The following ADAMTS2 variants were observed in gnomAD, a reference collection of about 807,000 sequenced individuals.
ADAMTS2 encodes the protein A disintegrin and metalloproteinase with thrombospondin motifs 2.
ADAMTS2 carries 50 observed loss-of-function variants against 123.0 expected under a neutral mutation model. The observed-to-expected ratio is 0.41, with a 90% CI of 0.32 to 0.51. The LOEUF (loss-of-function observed/expected upper bound fraction) is 0.51. Ranked by LOEUF, ADAMTS2 falls within the 20% of genes least tolerant of loss-of-function variation. The pLI is 0.35. For missense variants in ADAMTS2, 1,494 were observed against 1,705.2 expected, an observed-to-expected ratio of 0.88 and a Z score of 2.18; for synonymous variants, 678 against 695.4, an observed-to-expected ratio of 0.98 and a Z score of 0.39.
Position 179,262,339 on chromosome 5 carries a change from A to C in ADAMTS2, c.688+10572T>G, listed in dbSNP as rs906894933. On this transcript the variant is annotated intron_variant, in intron 3 of 21. Coordinates refer to ENST00000251582, the MANE Select transcript of ADAMTS2 (RefSeq NM_014244.5). The surrounding 1 kb of genome is among the most constrained non-coding windows in gnomAD (Gnocchi z 5.9). ...CACCACGTCCCGGAAGCTCCACCTC[A>C]AACTCATCCTGAACCCACTGCCTCC... is the stretch of plus-strand genomic sequence containing the variant. Among the ~76,000 whole-genome samples, 2 of 151,560 alleles carry C rather than the reference A, an allele frequency of 1.3e-5. No homozygotes were observed. The highest frequency in any genetic ancestry group is 2.9e-5 in the Non-Finnish European group (2 of 67,886).
At position 179,250,044 on chromosome 5, in the gene ADAMTS2, A is replaced by C. The variant is rs1272267621; in HGVS notation, c.688+22867T>G. Among the ~76,000 whole-genome samples the C allele has an allele frequency of 2.6e-5, 4 of 152,340 alleles. No individual in the cohort carries two copies. The East Asian group carries it at 7.7e-4, about 29-fold the overall frequency. On this transcript the variant is annotated intron_variant, in intron 3 of 21. Transcript: ENST00000251582. ...TGCAAGAGTGGTTCAACACACAAAA[A>C]TCAATCCATATAATATACTACATTC...
At chr5:179,226,230 TC>T (rs1765280443) in intron 3 of ADAMTS2, among the ~76,000 whole-genome samples, 1 of 144,900 alleles carries the variant, frequency 6.9e-6, no homozygotes, top group East Asian at 2.0e-4. Flanking sequence ...CTTCTTTCCT[TC>T]CTTCCTTCCT....
intron 2 of ADAMTS2, among the ~76,000 whole-genome samples, chr5:179,298,602 G>T (rs7702938): frequency 6.6e-6 from 1 of 152,074 alleles, no homozygotes; most frequent in Non-Finnish European, 1.5e-5. Context: ...CACCTGCAGA[G>T]CCTGGGATGC....
chr5:179,225,556 C>T lies in ADAMTS2; in HGVS notation c.689-17841G>A, dbSNP rs1295825127. On this transcript the variant is annotated intron_variant, in intron 3 of 21. Coordinates refer to ENST00000251582, the MANE Select transcript of ADAMTS2 (RefSeq NM_014244.5). The surrounding 1 kb of genome is among the most constrained non-coding windows in gnomAD (Gnocchi z 4.5). ...CAGGCAGACACAGGCGGCTGGACGT[C>T]GAGAGGAGCGCATGAGGGGAGGAAC... Among the ~76,000 whole-genome samples the T allele has an allele frequency of 1.3e-5, 2 of 152,016 alleles. No individual in the cohort carries two copies. The highest frequency in any genetic ancestry group is 2.9e-5 in the Non-Finnish European group (2 of 68,000).
rs577541170 is a variant in ADAMTS2, at chr5:179,254,458, T to C, written c.688+18453A>G. 1.1e-3 allele frequency among the ~76,000 whole-genome samples: 174 copies of C among 152,256 alleles called. 3 individuals are homozygous for C. The highest frequency in any genetic ancestry group is 1.1e-3 in the Non-Finnish European group (74 of 68,008). ...ATGAAAACATTTTGGAACTAGATGGTGATGATGGCTGCACAACACTGCCAA... is the reference window on the plus strand; with the variant it reads ...ATGAAAACATTTTGGAACTAGATGGCGATGATGGCTGCACAACACTGCCAA... On this transcript the variant is annotated intron_variant, in intron 3 of 21. Transcript: ENST00000251582.
At position 179,181,914 on chromosome 5, in the gene ADAMTS2, C is replaced by A. The variant is rs1764058172; in HGVS notation, c.892-759G>T. Among the ~76,000 whole-genome samples the A allele has an allele frequency of 6.6e-6, 1 of 152,206 alleles. No homozygotes were observed. Among genetic ancestry groups the A allele is most frequent in the African/African-American group, 2.4e-5 (1 of 41,446 alleles). On this transcript the variant is annotated intron_variant, in intron 4 of 21. Transcript: ENST00000251582. This position sits in a 1 kb window ranked among gnomAD's most constrained non-coding sequence, Gnocchi z 4.1. Reference sequence around the variant, plus strand: ...CACAGCCAGCAAGACCCTCCAGAAACATAGGTCAGGTTATCCCGGGCTCGA... The same window carrying A: ...CACAGCCAGCAAGACCCTCCAGAAAAATAGGTCAGGTTATCCCGGGCTCGA...
chr5:179,217,206 T>TCC (rs1196905981), intron 3 of ADAMTS2, among the ~76,000 whole-genome samples: 22 of 152,232 alleles, frequency 1.4e-4, no homozygotes, highest in African/African-American at 5.1e-4. Flanking sequence ...AGAAGTTTGA[T>TCC]ATCTACATAG....
chr5:179,180,980 C>A lies in ADAMTS2; in HGVS notation c.975+92G>T. On this transcript the variant is annotated intron_variant, in intron 5 of 21. Coordinates refer to ENST00000251582, the MANE Select transcript of ADAMTS2 (RefSeq NM_014244.5). This position sits in a 1 kb window ranked among gnomAD's most constrained non-coding sequence, Gnocchi z 4.6. The stretch of plus-strand genomic sequence containing the variant: ...GGAGAGGCAGGGTGGTTCTGGCAAA[C>A]GCACACACTCTCCAAGGAGGCCCAT... 2 of 1,005,432 alleles carry A rather than the reference C, an allele frequency of 2.0e-6. No individual in the cohort carries two copies. The highest frequency in any genetic ancestry group is 2.5e-5 in the East Asian group (1 of 40,800). The allele number at this position is 1,005,432 out of a possible 1,614,324, so 62.3% of individuals were successfully genotyped here. A position where few individuals can be genotyped will look rare whatever the true frequency, so the allele number is the denominator to read the frequency against.
At position 179,171,742 on chromosome 5, in the gene ADAMTS2, G is replaced by T. The variant is rs75917504; in HGVS notation, c.975+9330C>A. ...GGCAGAGTATGGGGTGAGCTTTGCT[G>T]AGCCCCACTCTGGGCAGGCATGAGT... is the stretch of plus-strand genomic sequence containing the variant. On this transcript the variant is annotated intron_variant, in intron 5 of 21. Transcript: ENST00000251582. Among the ~76,000 whole-genome samples, 1,185 of 152,334 alleles carry T rather than the reference G, an allele frequency of 7.8e-3. 52 individuals are homozygous for T. The highest frequency in any genetic ancestry group is 0.068 in the Admixed American group (1,044 of 15,304).
chr5:179,117,439 C>T lies in ADAMTS2; in HGVS notation c.3179-3115G>A, dbSNP rs774651744. Reference sequence around the variant, plus strand: ...CCACCAGGCTGGGATCCCTGAAAAGCAGGAATCACATCAGCCTGGTACAGT... The same window carrying T: ...CCACCAGGCTGGGATCCCTGAAAAGTAGGAATCACATCAGCCTGGTACAGT... On this transcript the variant is annotated intron_variant, in intron 21 of 21. Coordinates refer to ENST00000251582, the MANE Select transcript of ADAMTS2 (RefSeq NM_014244.5). The surrounding 1 kb of genome is among the most constrained non-coding windows in gnomAD (Gnocchi z 4.2). Among the ~76,000 whole-genome samples, 1 of 152,210 alleles carries T rather than the reference C, an allele frequency of 6.6e-6. No homozygotes were observed. Among genetic ancestry groups the T allele is most frequent in the Non-Finnish European group, 1.5e-5 (1 of 68,036 alleles).
In ADAMTS2 at chr5:179,180,376, C is replaced by A. The variant is rs1764018472; in HGVS notation, c.975+696G>T. Among the ~76,000 whole-genome samples, 1 of 152,168 alleles carries A rather than the reference C, an allele frequency of 6.6e-6. No individual in the cohort carries two copies. Among genetic ancestry groups the A allele is most frequent in the South Asian group, 2.1e-4 (1 of 4,822 alleles). ...GCAGCCGAGGCCAGAGGAGAGGAGG[C>A]CACAGATTTAATACGGGGGCAGAAG... is the stretch of plus-strand genomic sequence containing the variant. On this transcript the variant is annotated intron_variant, in intron 5 of 21. Transcript: ENST00000251582. This position sits in a 1 kb window ranked among gnomAD's most constrained non-coding sequence, Gnocchi z 4.6.
At chr5:179,321,583 G>T (rs962076304) in intron 2 of ADAMTS2, among the ~76,000 whole-genome samples, 2 of 152,126 alleles carry the variant, frequency 1.3e-5, no homozygotes, top group African/African-American at 2.4e-5. Flanking sequence ...ATGGTGGGGG[G>T]CCAAGGAGCA....
Position 179,115,506 on chromosome 5 carries a change from G to A in ADAMTS2, c.3179-1182C>T, listed in dbSNP as rs527693681. Among the ~76,000 whole-genome samples, 1 of 152,076 alleles carries A rather than the reference G, an allele frequency of 6.6e-6. No individual in the cohort carries two copies. ...GCTCAGCTGCTCTCTACTCTCCACA[G>A]TGATGACTTCAGACCTTTCCCACAC... On this transcript the variant is annotated intron_variant, in intron 21 of 21. Transcript: ENST00000251582. The surrounding 1 kb of genome is among the most constrained non-coding windows in gnomAD (Gnocchi z 4.4).
intron 6 of ADAMTS2, among the ~76,000 whole-genome samples, chr5:179,156,655 G>A (rs887632324): frequency 3.9e-5 from 6 of 152,068 alleles, no homozygotes; most frequent in East Asian, 1.9e-4. Flanking sequence ...ACCGCGCCCC[G>A]TCTACCTTTC....
intron 11 of ADAMTS2, among the ~76,000 whole-genome samples, chr5:179,138,372 A>C (rs1323234139): frequency 6.6e-6 from 1 of 152,168 alleles, no homozygotes; most frequent in Non-Finnish European, 1.5e-5. Flanking sequence ...GGCCCTGGGC[A>C]CCGAGCCTAG....
chr5:179,297,888 C>T (rs458827), intron 2 of ADAMTS2, among the ~76,000 whole-genome samples: 1 of 152,156 alleles, frequency 6.6e-6, no homozygotes, highest in African/African-American at 2.4e-5. Flanking sequence ...CAAGAAGACT[C>T]TGCTTCCCCT....
intron 17 of ADAMTS2, among the ~76,000 whole-genome samples, chr5:179,127,719 C>T (rs1042203766): frequency 2.0e-5 from 3 of 152,222 alleles, no homozygotes; most frequent in African/African-American, 7.2e-5. Flanking sequence ...GAAGCAGGCC[C>T]ACAAATACAG....
At position 179,225,678 on chromosome 5, in the gene ADAMTS2, G is replaced by T. The variant is rs1765266939; in HGVS notation, c.689-17963C>A. On this transcript the variant is annotated intron_variant, in intron 3 of 21. Transcript: ENST00000251582. The surrounding 1 kb of genome is among the most constrained non-coding windows in gnomAD (Gnocchi z 4.5). ...AGCAGAACGACACGGAGTTTGGCCG[G>T]GGCAGTCAGAGGAGAGCCCAGGCTG... 6.6e-6 allele frequency among the ~76,000 whole-genome samples: 1 copy of T among 152,172 alleles called. No homozygotes were observed. The highest frequency in any genetic ancestry group is 2.4e-5 in the African/African-American group (1 of 41,450).
In ADAMTS2 at chr5:179,122,761, AG is replaced by A; in HGVS notation, c.2970del (p.Cys991ValfsTer51). On this transcript the variant is annotated frameshift_variant, in exon 20 of 22. Coordinates refer to ENST00000251582, the MANE Select transcript of ADAMTS2 (RefSeq NM_014244.5). LOFTEE classifies it high-confidence loss of function. ...RAGPWSQCSV[T>X]CGNGTQERPV... ...GGCCGCTCCTGGGTGCCGTTGCCACAGGTTACTGAGCACTGCAGGGGGAGAG... is the reference window on the plus strand; with the variant it reads ...GGCCGCTCCTGGGTGCCGTTGCCACAGTTACTGAGCACTGCAGGGGGAGAG... 1.3e-6 allele frequency: 2 copies of A among 1,555,418 alleles called. No individual in the cohort carries two copies. The highest frequency in any genetic ancestry group is 1.7e-6 in the Non-Finnish European group (2 of 1,149,952).
Sources: allele counts gnomAD v4.1 joint callset (sites outside exome capture counted in the v4.1 genomes callset), GRCh38; gene constraint gnomAD v4.1.1; non-coding constraint Gnocchi (gnomAD v3.1); transcripts MANE v1.5; gene names NCBI Gene and HGNC (gene_info 2026-07-23, HGNC 2026-07-21).